The following HEPACAM2 variants were observed in gnomAD, a reference collection of about 807,000 sequenced individuals.
HEPACAM2 encodes HEPACAM family member 2, also known as mitotic kinetics regulator.
In HEPACAM2, 49 loss-of-function variants were observed where a neutral mutation model predicts 49.6. The ratio of observed to expected loss-of-function variants is 0.99; its 90% CI spans 0.78 to 1.25. The LOEUF is 1.25. Among genes scored for constraint, HEPACAM2 ranks in the 50% most tolerant of loss-of-function variants. The pLI is 0.00. For missense variants in HEPACAM2, 525 were observed against 557.2 expected, an observed-to-expected ratio of 0.94 and a Z score of 0.58; for synonymous variants, 197 against 202.9, an observed-to-expected ratio of 0.97 and a Z score of 0.25.
chr7:93,214,272 A>T (rs1046620585), intron 3 of HEPACAM2, among the ~76,000 whole-genome samples: 13 of 152,180 alleles, frequency 8.5e-5, no homozygotes, highest in Non-Finnish European at 1.8e-4. Flanking sequence ...GATGTTGACC[A>T]AGTGAAGAAT....
chr7:93,208,058 A>T (rs1006869598), intron 4 of HEPACAM2, among the ~76,000 whole-genome samples: 1 of 152,054 alleles, frequency 6.6e-6, no homozygotes, highest in Non-Finnish European at 1.5e-5. Flanking sequence ...AATTTCACAG[A>T]CTTACAGAAT....
intron 4 of HEPACAM2, among the ~76,000 whole-genome samples, chr7:93,202,147 G>A (rs1425034695): frequency 4.0e-5 from 6 of 149,638 alleles, no homozygotes; most frequent in East Asian, 1.9e-4. Flanking sequence ...AACATATATC[G>A]TATGATTTGG....
At chr7:93,199,825 G>C (rs1457983853) in intron 4 of HEPACAM2, among the ~76,000 whole-genome samples, 1 of 151,856 alleles carries the variant, frequency 6.6e-6, no homozygotes, top group African/African-American at 2.4e-5. Flanking sequence ...TGTAATTATA[G>C]AGCAACATTT....
At chr7:93,201,291 AATATTTAGCGC>A (rs1793876107) in intron 4 of HEPACAM2, among the ~76,000 whole-genome samples, 2 of 152,058 alleles carry the variant, frequency 1.3e-5, no homozygotes, top group African/African-American at 4.8e-5. Flanking sequence ...TTTTACTTGG[AATATTTAGCGC>A]ACTAAGACCT....
intron 1 of HEPACAM2, among the ~76,000 whole-genome samples, chr7:93,223,490 A>G (rs907251922): frequency 3.3e-5 from 5 of 152,194 alleles, no homozygotes; most frequent in African/African-American, 9.6e-5. Flanking sequence ...AAGATATTTA[A>G]TATAGCGTTT....
chr7:93,221,122 TAAA>T (rs781579835), intron 1 of HEPACAM2, among the ~76,000 whole-genome samples: 88 of 152,074 alleles, frequency 5.8e-4, no homozygotes, highest in Non-Finnish European at 1.1e-3. Flanking sequence ...AAATGTGAAA[TAAA>T]GAGAGTTTTT....
At chr7:93,228,878 TGTG>T (rs1794583301), upstream of HEPACAM2, among the ~76,000 whole-genome samples, 1 of 151,658 alleles carries the variant, frequency 6.6e-6, no homozygotes, top group African/African-American at 2.4e-5. Flanking sequence ...TGTGTGTGTG[TGTG>T]TGTGTGTATG....
At position 93,197,373 on chromosome 7, in the gene HEPACAM2, C is replaced by T. The variant is rs1270729110; in HGVS notation, c.1163G>A (p.Arg388Lys). 2 of 1,598,024 alleles carry T rather than the reference C, an allele frequency of 1.3e-6. No homozygotes were observed. Among genetic ancestry groups the T allele is most frequent in the Admixed American group, 1.7e-5 (1 of 57,944 alleles). ...YKVIKQKLEGRPETEYRKAQT... is the reference protein window; with the variant it reads ...YKVIKQKLEGKPETEYRKAQT... ...ATTTTCATAGAAACAGATGCATTACCTGCCTTCTAGTTTCTGTTTTATAAC... is the reference window on the plus strand; with the variant it reads ...ATTTTCATAGAAACAGATGCATTACTTGCCTTCTAGTTTCTGTTTTATAAC... The change falls in exon 6 of 10, where the codon AGG becomes AAG. Residue 388 changes from arginine to lysine, a missense_variant and splice_region_variant. Transcript: ENST00000394468.
chr7:93,190,154 T>C (rs1009913246), intron 9 of HEPACAM2, among the ~76,000 whole-genome samples: 25 of 152,116 alleles, frequency 1.6e-4, no homozygotes, highest in South Asian at 2.1e-4. Flanking sequence ...TGATTATAAG[T>C]AAAATAAGTG....
At chr7:93,228,864 GGTGTGTGT>G (rs61092223), upstream of HEPACAM2, among the ~76,000 whole-genome samples, 1 of 149,630 alleles carries the variant, frequency 6.7e-6, no homozygotes, top group Non-Finnish European at 1.5e-5. Context: ...TGTGCAGGAG[GGTGTGTGT>G]GTGTGTGTGT....
chr7:93,195,939 C>G, intron 7 of HEPACAM2, 38 bp from the exon 8 acceptor site: 1 of 1,418,430 alleles, frequency 7.1e-7, no homozygotes, highest in Non-Finnish European at 9.9e-7. Context: ...AAACCGAATG[C>G]CTTGATTTGC....
At chr7:93,198,625 A>C (rs903038912) in intron 4 of HEPACAM2, among the ~76,000 whole-genome samples, 1 of 152,100 alleles carries the variant, frequency 6.6e-6, no homozygotes, top group African/African-American at 2.4e-5. Flanking sequence ...TACCATGTGA[A>C]TCAGATATGG....
At chr7:93,192,124 T>C (rs1793565099) in intron 9 of HEPACAM2, 130 bp downstream of exon 9, 2 of 597,212 alleles carry the variant, frequency 3.3e-6, no homozygotes, top group East Asian at 2.9e-5. Context: ...GGGAAGTGTG[T>C]TCAAATGTAC....
At chr7:93,226,660 G>T (rs1794547187), upstream of HEPACAM2, 5 of 395,898 alleles carry the variant, frequency 1.3e-5, no homozygotes, top group Non-Finnish European at 2.2e-5. Flanking sequence ...GAGTTTCTTA[G>T]CAACTACCAG....
At chr7:93,222,768 T>C (rs1794474446) in intron 1 of HEPACAM2, among the ~76,000 whole-genome samples, 1 of 152,176 alleles carries the variant, frequency 6.6e-6, no homozygotes, top group Non-Finnish European at 1.5e-5. Context: ...AATTTTATGT[T>C]ATTGACAACC....
chr7:93,229,993 T>C (rs527620453), upstream of HEPACAM2, among the ~76,000 whole-genome samples: 2 of 152,338 alleles, frequency 1.3e-5, no homozygotes, highest in African/African-American at 4.8e-5. Context: ...TTCAATATTA[T>C]AGTTATAGCC....
intron 7 of HEPACAM2, among the ~76,000 whole-genome samples, chr7:93,196,923 A>T (rs1051465336): frequency 6.6e-6 from 1 of 152,166 alleles, no homozygotes; most frequent in East Asian, 1.9e-4. Flanking sequence ...TAATAGGATC[A>T]ATGAGTTAGC....
Position 93,215,574 on chromosome 7 carries a change from T to C in HEPACAM2, c.542A>G (p.Gln181Arg), listed in dbSNP as rs1333463320. The change falls in exon 3 of 10, where the codon CAA (glutamine) becomes CGA (arginine). Residue 181 changes from glutamine to arginine, a missense_variant. Gln to Arg is a conservative substitution (Grantham distance 43, BLOSUM62 1). Transcript: ENST00000394468. ...HVEGGTRLAY[Q>R]WLKNGRPVHT... ...GACAGGTCTCCCATTTTTTAGCCAT[T>C]GGTAAGCTAGCCGAGTGCCCCCTTC... 1 of 1,613,728 alleles carries C rather than the reference T, an allele frequency of 6.2e-7. No individual in the cohort carries two copies. Among genetic ancestry groups the C allele is most frequent in the East Asian group, 2.2e-5 (1 of 44,844 alleles).
chr7:93,195,827 C>G lies in HEPACAM2; in HGVS notation c.1275+1G>C, dbSNP rs1259012794. The G allele has an allele frequency of 2.5e-6, 4 of 1,611,990 alleles. No homozygotes were observed. The highest frequency in any genetic ancestry group is 3.4e-6 in the Non-Finnish European group (4 of 1,178,594). On this transcript the variant is annotated splice_donor_variant, in intron 8 of 9. Transcript: ENST00000394468. LOFTEE classifies it high-confidence loss of function. Reference sequence around the variant, plus strand: ...GTTAATCAGCCACTAGGAAAACCAACCCTGGAAACACCAGAAACATCTGGA... The same window carrying G: ...GTTAATCAGCCACTAGGAAAACCAAGCCTGGAAACACCAGAAACATCTGGA...
Sources: gnomAD v4.1 joint callset for allele counts (sites outside exome capture counted in the v4.1 genomes callset) on GRCh38, gnomAD v4.1.1 for gene constraint, MANE v1.5 for transcripts, NCBI Gene and HGNC (gene_info 2026-07-23, HGNC 2026-07-21) for gene names.